Variants in ERC2 observed in about 807,000 individuals in gnomAD.
ERC2 encodes ELKS/RAB6-interacting/CAST family member 2.
In ERC2, 42 loss-of-function variants were observed where a neutral mutation model predicts 114.8. That is an observed-to-expected ratio of 0.37 (90% CI 0.29 to 0.47). ERC2 has a LOEUF of 0.47. Among genes scored for constraint, ERC2 ranks in the 20% least tolerant of loss-of-function variants. The pLI, the probability that ERC2 is intolerant of heterozygous loss-of-function variation, is 0.99. For missense variants in ERC2, 939 were observed against 1,150.7 expected, an observed-to-expected ratio of 0.82 and a Z score of 2.66; for synonymous variants, 454 against 425.5, an observed-to-expected ratio of 1.07 and a Z score of -0.82.
chr3:56,423,839 T>A (rs934928713), intron 2 of ERC2, among the ~76,000 whole-genome samples: 1 of 152,226 alleles, frequency 6.6e-6, no homozygotes, highest in Non-Finnish European at 1.5e-5. Flanking sequence ...AACAGCTTTA[T>A]CTGTGTGTCT....
At chr3:55,575,539 G>A (rs2107539346) in intron 17 of ERC2, among the ~76,000 whole-genome samples, 1 of 152,264 alleles carries the variant, frequency 6.6e-6, no homozygotes, top group East Asian at 1.9e-4. Flanking sequence ...AACCCAGCAG[G>A]GCTCTTATAA....
intron 11 of ERC2, among the ~76,000 whole-genome samples, chr3:55,986,482 C>T (rs1359508535): frequency 6.6e-6 from 1 of 152,114 alleles, no homozygotes; most frequent in African/African-American, 2.4e-5. Context: ...TTCCTTCATC[C>T]TTGAAAACCA....
At chr3:55,585,341 G>A (rs1559697091) in intron 17 of ERC2, among the ~76,000 whole-genome samples, 1 of 152,104 alleles carries the variant, frequency 6.6e-6, no homozygotes, top group Non-Finnish European at 1.5e-5. Flanking sequence ...ACCAGTAATT[G>A]CCCTTGGACA....
chr3:55,851,975 C>T (rs901527107), intron 14 of ERC2, among the ~76,000 whole-genome samples: 1 of 152,230 alleles, frequency 6.6e-6, no homozygotes, highest in Admixed American at 6.5e-5. Flanking sequence ...GTTACCCCAG[C>T]ACTTTGGGAG....
chr3:55,797,461 A>G (rs2070610065), intron 14 of ERC2, among the ~76,000 whole-genome samples: 1 of 152,192 alleles, frequency 6.6e-6, no homozygotes. Flanking sequence ...CTGCTCCCAG[A>G]AGAAGCAAAA....
intron 1 of ERC2, among the ~76,000 whole-genome samples, chr3:56,459,531 A>T (rs1310402258): frequency 2.5e-5 from 1 of 40,746 alleles, no homozygotes; most frequent in Admixed American, 4.4e-4. Flanking sequence ...ATCAGACCAC[A>T]CACACACACA....
At chr3:56,223,719 C>G (rs2050075245) in intron 3 of ERC2, among the ~76,000 whole-genome samples, 1 of 152,078 alleles carries the variant, frequency 6.6e-6, no homozygotes, top group Admixed American at 6.6e-5. Context: ...GGACCCAGCC[C>G]TAGTAATAAA....
At chr3:55,731,172 T>C (rs573235423) in intron 15 of ERC2, among the ~76,000 whole-genome samples, 1 of 150,608 alleles carries the variant, frequency 6.6e-6, no homozygotes, top group Non-Finnish European at 1.5e-5. Flanking sequence ...TGCTCACTGC[T>C]CCACAAGTGC....
At chr3:56,118,508 A>T (rs1274149487) in intron 6 of ERC2, among the ~76,000 whole-genome samples, 1 of 152,180 alleles carries the variant, frequency 6.6e-6, no homozygotes, top group African/African-American at 2.4e-5. Flanking sequence ...AATAAATAGC[A>T]AGAACATATT....
At chr3:56,227,367 G>C (rs1003211334) in intron 3 of ERC2, among the ~76,000 whole-genome samples, 4 of 151,300 alleles carry the variant, frequency 2.6e-5, no homozygotes, top group South Asian at 2.1e-4. Context: ...CCTCCAACAG[G>C]AAAGAAAGCA....
In ERC2 at chr3:56,202,573, T is replaced by C. The variant is rs974010465; in HGVS notation, c.1075-29053A>G. On this transcript the variant is annotated intron_variant, in intron 3 of 17. Transcript: ENST00000288221. ...GGGGGTATAAATGACCAAAAAATTA[T>C]ATATATTTAAGGTATACAATGTAAT... Among the ~76,000 whole-genome samples the C allele has an allele frequency of 6.7e-5, 10 of 150,034 alleles. No individual in the cohort carries two copies. In the Admixed American group the frequency reaches 6.7e-4, roughly 10 times the overall value.
intron 6 of ERC2, among the ~76,000 whole-genome samples, chr3:56,131,897 C>T (rs1279565165): frequency 6.6e-6 from 1 of 152,158 alleles, no homozygotes; most frequent in African/African-American, 2.4e-5. Flanking sequence ...TGTTAATTAC[C>T]ATGAATTGAT....
rs542194052 is a variant in ERC2, at chr3:56,041,332, T to C, written c.1642-22301A>G. On this transcript the variant is annotated intron_variant, in intron 7 of 17. Coordinates refer to ENST00000288221, the MANE Select transcript of ERC2 (RefSeq NM_015576.3). ...CTCCCCGGGTCACTGATATCACTGC[T>C]AGGGGCAGAGAGGCTCTACCAGCAG... Among the ~76,000 whole-genome samples the C allele has an allele frequency of 3.9e-5, 6 of 152,280 alleles. No homozygotes were observed. In the South Asian group the frequency reaches 1.2e-3, roughly 32 times the overall value.
intron 2 of ERC2, among the ~76,000 whole-genome samples, chr3:56,429,412 A>G (rs2061701081): frequency 6.6e-6 from 1 of 152,180 alleles, no homozygotes; most frequent in Admixed American, 6.5e-5. Context: ...CAGGTGTGAC[A>G]TTGAGAGCAT....
chr3:55,776,528 C>T (rs1039420272), intron 14 of ERC2, among the ~76,000 whole-genome samples: 1 of 152,026 alleles, frequency 6.6e-6, no homozygotes, highest in African/African-American at 2.4e-5. Flanking sequence ...GAACTCGAGA[C>T]CAGAGGAGCT....
intron 14 of ERC2, among the ~76,000 whole-genome samples, chr3:55,796,174 A>G (rs2070461757): frequency 6.6e-6 from 1 of 152,198 alleles, no homozygotes; most frequent in African/African-American, 2.4e-5. Flanking sequence ...CAGACACAGG[A>G]CACATGGAAG....
At chr3:56,144,576 G>T (rs1043850616) in intron 5 of ERC2, among the ~76,000 whole-genome samples, 1 of 152,196 alleles carries the variant, frequency 6.6e-6, no homozygotes, top group African/African-American at 2.4e-5. Flanking sequence ...CCAGTGTCGG[G>T]TTTGGTGTAT....
At chr3:56,106,045 T>G (rs367826471) in intron 6 of ERC2, among the ~76,000 whole-genome samples, 2 of 152,210 alleles carry the variant, frequency 1.3e-5, no homozygotes, top group East Asian at 3.8e-4. Flanking sequence ...TAAGGCATGA[T>G]TTGAGTTCAC....
In ERC2 at chr3:55,734,861, T is replaced by G; in HGVS notation, c.2622A>C (p.Glu874Asp). 6.2e-7 allele frequency: 1 copy of G among 1,612,452 alleles called. No individual in the cohort carries two copies. The highest frequency in any genetic ancestry group is 8.5e-7 in the Non-Finnish European group (1 of 1,179,188). Reference protein sequence around the residue: ...SEKDANIALLELSASKKKKTQ... With the variant: ...SEKDANIALLDLSASKKKKTQ... The stretch of plus-strand genomic sequence containing the variant: ...TCTTTTTCTTTTTGGAGGCAGACAA[T>G]TCCAGCAAGGCAATGTTTGCATCTT... The change falls in exon 15 of 18, where the codon GAA becomes GAC. Residue 874 changes from glutamate to aspartate, a missense_variant. Around this residue, in one of 5 missense-constraint regions of ERC2, gnomAD observed 328 missense variants for 353.9 expected, o/e 0.93. Transcript: ENST00000288221.
Sources: gnomAD v4.1 joint callset for allele counts (sites outside exome capture counted in the v4.1 genomes callset) on GRCh38, gnomAD v4.1.1 for gene constraint, gnomAD v4.1.1 regional missense constraint, MANE v1.5 for transcripts, NCBI Gene and HGNC (gene_info 2026-07-23, HGNC 2026-07-21) for gene names.